The following ITPR2 variants were observed in gnomAD, a reference collection of about 807,000 sequenced individuals.
ITPR2 encodes the protein inositol 1,4,5-trisphosphate-gated calcium channel ITPR2.
A neutral mutation model predicts 317.1 loss-of-function variants in ITPR2; 207 were observed. The ratio of observed to expected loss-of-function variants is 0.65; its 90% CI spans 0.58 to 0.73. ITPR2 has a LOEUF of 0.73. ITPR2 is among the 30% of genes least tolerant of loss of function. The probability of loss-of-function intolerance (pLI) is 0.00; values close to 1 mark genes in which losing one functional copy is unlikely to be tolerated. For missense variants in ITPR2, 2,613 were observed against 3,284.0 expected, an observed-to-expected ratio of 0.80 and a Z score of 4.99; for synonymous variants, 1,156 against 1,149.1, an observed-to-expected ratio of 1.01 and a Z score of -0.12.
intron 11 of ITPR2, among the ~76,000 whole-genome samples, chr12:26,684,080 A>G (rs892623136): frequency 2.6e-5 from 4 of 152,242 alleles, no homozygotes; most frequent in Non-Finnish European, 5.9e-5. Context: ...AGCTTCAAAT[A>G]TCTAAAATAG....
At chr12:26,503,190 A>ACACACACACACACACACACAC (rs10529227) in intron 37 of ITPR2, among the ~76,000 whole-genome samples, 3 of 139,122 alleles carry the variant, frequency 2.2e-5, no homozygotes, top group Non-Finnish European at 4.6e-5. Context: ...GCCCCCCACC[A>ACACACACACACACACACACAC]ACACACACAC....
At chr12:26,556,146 T>C in intron 36 of ITPR2, 87 bp downstream of exon 36, 2 of 1,334,686 alleles carry the variant, frequency 1.5e-6, no homozygotes, top group African/African-American at 2.9e-5. Context: ...CGGACTGTCA[T>C]TTTATATCAG....
intron 52 of ITPR2, among the ~76,000 whole-genome samples, chr12:26,410,514 G>C (rs184700481): frequency 6.6e-6 from 1 of 152,206 alleles, no homozygotes; most frequent in Admixed American, 6.5e-5. Context: ...GGAAACTGGG[G>C]AACTCCGCAC....
intron 11 of ITPR2, among the ~76,000 whole-genome samples, chr12:26,685,894 C>T (rs544619326): frequency 6.6e-6 from 1 of 152,236 alleles, no homozygotes; most frequent in Non-Finnish European, 1.5e-5. Context: ...CAGTTGAACA[C>T]TCCTACCTAA....
chr12:26,703,836 T>C (rs1948499784), intron 9 of ITPR2, among the ~76,000 whole-genome samples: 2 of 152,190 alleles, frequency 1.3e-5, no homozygotes, highest in African/African-American at 4.8e-5. Flanking sequence ...GCACAAGGCA[T>C]CCAGCAATGA....
At chr12:26,412,471 T>G (rs930966403) in intron 51 of ITPR2, among the ~76,000 whole-genome samples, 6 of 152,150 alleles carry the variant, frequency 3.9e-5, no homozygotes, top group African/African-American at 1.4e-4. Context: ...GAGAAGAGTG[T>G]GCCCTGTGGC....
At chr12:26,669,096 G>A (rs890117847) in intron 13 of ITPR2, among the ~76,000 whole-genome samples, 1 of 151,932 alleles carries the variant, frequency 6.6e-6, no homozygotes, top group Non-Finnish European at 1.5e-5. Flanking sequence ...ATTCCAGCTT[G>A]GGTGACAGGG....
intron 55 of ITPR2, among the ~76,000 whole-genome samples, chr12:26,368,278 C>G (rs1939077729): frequency 6.6e-6 from 1 of 152,148 alleles, no homozygotes; most frequent in African/African-American, 2.4e-5. Context: ...AAGCAAGAAG[C>G]AGTAACTTGG....
intron 55 of ITPR2, among the ~76,000 whole-genome samples, chr12:26,357,580 G>A (rs1938680768): frequency 6.6e-6 from 1 of 152,222 alleles, no homozygotes; most frequent in African/African-American, 2.4e-5. Context: ...AAAGAGGGTT[G>A]CGGGAACCGC....
At chr12:26,795,693 G>A (rs534019378) in intron 1 of ITPR2, among the ~76,000 whole-genome samples, 92 of 152,264 alleles carry the variant, frequency 6.0e-4, no homozygotes, top group South Asian at 8.3e-4. Flanking sequence ...TTATAAAAAG[G>A]GTGGTAGCAT....
intron 37 of ITPR2, chr12:26,495,524 T>C (rs1376009612): frequency 2.8e-6 from 1 of 359,984 alleles, no homozygotes; most frequent in African/African-American, 2.1e-5. Flanking sequence ...GTGGTGGTGG[T>C]TTCACAGTGT....
At chr12:26,601,250 A>G (rs1192563452) in intron 28 of ITPR2, among the ~76,000 whole-genome samples, 1 of 152,160 alleles carries the variant, frequency 6.6e-6, no homozygotes, top group Non-Finnish European at 1.5e-5. Flanking sequence ...TATTAATATT[A>G]AATAAATTTC....
intron 55 of ITPR2, among the ~76,000 whole-genome samples, chr12:26,386,932 T>C (rs540814031): frequency 1.7e-4 from 26 of 152,094 alleles, no homozygotes; most frequent in African/African-American, 4.6e-4. Context: ...ATCAGCAACA[T>C]TGGTAAATCA....
chr12:26,636,028 T>C (rs1411728421), intron 21 of ITPR2, among the ~76,000 whole-genome samples: 1 of 152,188 alleles, frequency 6.6e-6, no homozygotes, highest in Non-Finnish European at 1.5e-5. Context: ...GCAGTCCCAA[T>C]TCCAAGTAAG....
intron 26 of ITPR2, among the ~76,000 whole-genome samples, chr12:26,614,804 G>A (rs533528617): frequency 1.3e-5 from 2 of 152,320 alleles, no homozygotes; most frequent in South Asian, 2.1e-4. Flanking sequence ...GGGTCCAGAA[G>A]GAGAGACAAA....
chr12:26,702,046 G>A (rs1431381158), intron 9 of ITPR2, among the ~76,000 whole-genome samples: 2 of 152,124 alleles, frequency 1.3e-5, no homozygotes, highest in African/African-American at 2.4e-5. Flanking sequence ...CATTTACTGA[G>A]GTCCCCATAT....
Position 26,618,530 on chromosome 12 carries a change from G to A in ITPR2, c.3462+2593C>T, listed in dbSNP as rs756382885. On this transcript the variant is annotated intron_variant, in intron 26 of 56. Transcript: ENST00000381340. ...ACTCAATCATCAAAAGTGGGAAAGT[G>A]AGAAAAACACCCATCATAAGGATAG... is the stretch of plus-strand genomic sequence containing the variant. Among the ~76,000 whole-genome samples, 12 of 152,304 alleles carry A rather than the reference G, an allele frequency of 7.9e-5. No homozygotes were observed. In the South Asian group the frequency reaches 1.0e-3, roughly 13 times the overall value.
chr12:26,636,890 G>T (rs117335470), intron 21 of ITPR2, among the ~76,000 whole-genome samples: 309 of 152,242 alleles, frequency 2.0e-3, no homozygotes, highest in Non-Finnish European at 3.3e-3. Flanking sequence ...ACTGATCTCA[G>T]CATGAATCAT....
At chr12:26,822,510 C>A (rs942614798) in intron 1 of ITPR2, among the ~76,000 whole-genome samples, 2 of 120,692 alleles carry the variant, frequency 1.7e-5, no homozygotes, top group Non-Finnish European at 3.9e-5. Context: ...TAAAATAGTT[C>A]TTAATAGTTC....
Sources: gnomAD v4.1 joint callset for allele counts (sites outside exome capture counted in the v4.1 genomes callset) on GRCh38, gnomAD v4.1.1 for gene constraint, MANE v1.5 for transcripts, NCBI Gene and HGNC (gene_info 2026-07-23, HGNC 2026-07-21) for gene names.